Variants in THAP4 observed in about 807,000 individuals in gnomAD.
THAP4 encodes the protein THAP domain containing 4.
In THAP4, 18 loss-of-function variants were observed where a neutral mutation model predicts 48.1. The ratio of observed to expected loss-of-function variants is 0.37; its 90% confidence interval spans 0.26 to 0.56. The LOEUF (loss-of-function observed/expected upper bound fraction) is 0.56, where lower values mean the gene tolerates loss of function less well. THAP4 is among the 20% of genes least tolerant of loss of function. The pLI is 0.78. For missense variants in THAP4, 656 were observed against 774.9 expected, an observed-to-expected ratio of 0.85 and a Z score of 1.82; for synonymous variants, 345 against 324.9, an observed-to-expected ratio of 1.06 and a Z score of -0.66.
At chr2:241,636,739 G>A (rs1219140888) in intron 1 of THAP4, among the ~76,000 whole-genome samples, 1 of 151,480 alleles carries the variant, frequency 6.6e-6, no homozygotes, top group Admixed American at 6.6e-5. Context: ...GGCGGCCGGG[G>A]TGGGGGCGGC....
At chr2:241,618,869 G>A (rs1437419552) in intron 2 of THAP4, among the ~76,000 whole-genome samples, 2 of 152,100 alleles carry the variant, frequency 1.3e-5, no homozygotes, top group Non-Finnish European at 2.9e-5. Context: ...GGAGGGGGAG[G>A]TGACCACCTT....
chr2:241,617,449 G>C, intron 2 of THAP4: 1 of 1,551,300 alleles, frequency 6.4e-7, no homozygotes, highest in Non-Finnish European at 8.7e-7. Flanking sequence ...CACTCGTCAA[G>C]GTTCCTCAAG....
At chr2:241,602,426 G>A (rs942465102) in intron 4 of THAP4, among the ~76,000 whole-genome samples, 2 of 151,266 alleles carry the variant, frequency 1.3e-5, no homozygotes, top group African/African-American at 4.9e-5. Context: ...GTGCAGTGGC[G>A]CATTCTTGGC....
intron 2 of THAP4, among the ~76,000 whole-genome samples, chr2:241,620,110 G>A (rs1157585106): frequency 5.8e-5 from 6 of 103,894 alleles, no homozygotes; most frequent in Admixed American, 2.8e-4. Context: ...GTGAGTGAGG[G>A]GTGAGGGGTA....
At chr2:241,589,190 G>A in intron 5 of THAP4, among the ~76,000 whole-genome samples, 1 of 145,156 alleles carries the variant, frequency 6.9e-6, no homozygotes, top group East Asian at 2.1e-4. Flanking sequence ...TCCAGCCTGG[G>A]CAACGAGAGC....
At chr2:241,637,301 G>C (rs2067691082), upstream of THAP4, 4 of 1,161,014 alleles carry the variant, frequency 3.4e-6, no homozygotes, top group African/African-American at 5.0e-5. Context: ...AGACGGGCGG[G>C]GGAGTCGCCC....
chr2:241,598,717 C>T (rs2067078883), intron 5 of THAP4, among the ~76,000 whole-genome samples: 1 of 152,122 alleles, frequency 6.6e-6, no homozygotes, highest in African/African-American at 2.4e-5. Context: ...TGCCCACTCA[C>T]CTGCTGGCCA....
intron 5 of THAP4, among the ~76,000 whole-genome samples, chr2:241,598,822 T>C (rs773321997): frequency 2.6e-5 from 4 of 151,974 alleles, no homozygotes; most frequent in Non-Finnish European, 4.4e-5. Flanking sequence ...AAGCATTTGA[T>C]GAAATTCAAA....
chr2:241,585,360 G>A (rs535495495), intron 5 of THAP4, among the ~76,000 whole-genome samples: 10 of 150,830 alleles, frequency 6.6e-5, no homozygotes, highest in Admixed American at 1.3e-4. Flanking sequence ...TTCTCTGATG[G>A]GCACTATCTC....
intron 2 of THAP4, among the ~76,000 whole-genome samples, chr2:241,611,284 C>T (rs2067271571): frequency 6.6e-6 from 1 of 152,152 alleles, no homozygotes; most frequent in Non-Finnish European, 1.5e-5. Flanking sequence ...CCACAGGGAG[C>T]TCCTGCAAAC....
At chr2:241,598,115 T>C (rs1473607970) in intron 5 of THAP4, among the ~76,000 whole-genome samples, 1 of 152,168 alleles carries the variant, frequency 6.6e-6, no homozygotes, top group African/African-American at 2.4e-5. Context: ...ACAGTATCTA[T>C]TACTTCTTCC....
intron 2 of THAP4, among the ~76,000 whole-genome samples, chr2:241,620,076 CGTG>C (rs2067404250): frequency 6.2e-5 from 1 of 16,146 alleles, no homozygotes; most frequent in East Asian, 3.8e-3. Flanking sequence ...GTGAGTGAGT[CGTG>C]AGTGAGGGGT....
In THAP4 at chr2:241,637,097, C is replaced by G; in HGVS notation, c.-80G>C. On this transcript the variant is annotated 5_prime_UTR_variant, in exon 1 of 6. Transcript: ENST00000407315. Reference sequence around the variant, plus strand: ...CCGCGGACCGCCCCGAGGGAGGGAGCGCGGCGGCGACACGGCTCGGGACGT... The same window carrying G: ...CCGCGGACCGCCCCGAGGGAGGGAGGGCGGCGGCGACACGGCTCGGGACGT... 4 of 1,022,754 alleles carry G rather than the reference C, an allele frequency of 3.9e-6. No individual in the cohort carries two copies. Among genetic ancestry groups the G allele is most frequent in the Non-Finnish European group, 4.7e-6 (4 of 857,526 alleles). The allele number at this position is 1,022,754 out of a possible 1,614,324, so 63.4% of individuals were successfully genotyped here. A position where few individuals can be genotyped will look rare whatever the true frequency, so the allele number is the denominator to read the frequency against.
At chr2:241,588,917 A>G (rs2066922837) in intron 5 of THAP4, among the ~76,000 whole-genome samples, 1 of 152,214 alleles carries the variant, frequency 6.6e-6, no homozygotes, top group African/African-American at 2.4e-5. Context: ...TAACAGAATT[A>G]AAACATTTGG....
chr2:241,636,634 C>T (rs2067663804), intron 1 of THAP4, among the ~76,000 whole-genome samples: 1 of 152,172 alleles, frequency 6.6e-6, no homozygotes, highest in Non-Finnish European at 1.5e-5. Flanking sequence ...CAGTCGCGGC[C>T]GAGCAGGACA....
At chr2:241,627,049 T>C (rs1318560207) in intron 2 of THAP4, among the ~76,000 whole-genome samples, 2 of 152,252 alleles carry the variant, frequency 1.3e-5, no homozygotes, top group Non-Finnish European at 2.9e-5. Flanking sequence ...CAGATTGTTT[T>C]TAGGACAGAA....
intron 2 of THAP4, among the ~76,000 whole-genome samples, chr2:241,623,593 G>GA (rs11387542): frequency 0.16 from 22,171 of 135,196 alleles, 1,795 homozygotes; most frequent in Middle Eastern, 0.27. Context: ...AAGAAAAAAG[G>GA]AAAAAAAAAA....
At chr2:241,636,906 CG>C in intron 1 of THAP4, 34 bp downstream of exon 1, 1 of 1,156,396 alleles carries the variant, frequency 8.6e-7, no homozygotes, top group Non-Finnish European at 1.1e-6. Flanking sequence ...AGGGCCGGGT[CG>C]GGGCGGGGGC....
upstream of THAP4, chr2:241,637,504 A>C (rs908904053): frequency 7.6e-6 from 11 of 1,438,164 alleles, no homozygotes; most frequent in Non-Finnish European, 1.0e-5. Context: ...CCACGACACG[A>C]CCCCATGCCG....
Sources: gnomAD v4.1 joint callset for allele counts (sites outside exome capture counted in the v4.1 genomes callset) on GRCh38, gnomAD v4.1.1 for gene constraint, MANE v1.5 for transcripts, NCBI Gene and HGNC (gene_info 2026-07-23, HGNC 2026-07-21) for gene names.